GPRC5D: variants seen among roughly 807,000 people sequenced by gnomAD.
The protein encoded by GPRC5D is G protein-coupled receptor class C group 5 member D, also known as G protein-coupled receptor family C group 5 member D.
A neutral mutation model predicts 29.3 loss-of-function variants in GPRC5D; 20 were observed. The ratio of observed to expected loss-of-function variants is 0.68; its 90% CI spans 0.48 to 0.99. The LOEUF is 0.99. Among genes scored for constraint, GPRC5D ranks in the 50% least tolerant of loss-of-function variants. The pLI is 0.00. For synonymous variants in GPRC5D, 178 were observed against 171.3 expected, an observed-to-expected ratio of 1.04 and a Z score of -0.30; for missense variants, 384 against 423.6, an observed-to-expected ratio of 0.91 and a Z score of 0.82.
exon 1 of GPRC5D, chr12:12,950,125 T>A (rs1345528650): frequency 6.2e-7 from 1 of 1,613,934 alleles, no homozygotes. Flanking sequence ...GGGGGCAGTT[T>A]GTTGATTGAG....
intron 1 of GPRC5D, among the ~76,000 whole-genome samples, chr12:12,946,628 T>A (rs768530703): frequency 6.6e-6 from 1 of 151,900 alleles, no homozygotes; most frequent in Non-Finnish European, 1.5e-5. Context: ...CTAATTTTTG[T>A]ATTTTTAATA....
chr12:12,940,776 T>G, exon 3 of GPRC5D: 1 of 1,586,998 alleles, frequency 6.3e-7, no homozygotes, highest in Non-Finnish European at 8.7e-7. Context: ...CCTGTAGATT[T>G]ATACTCCTCC....
At chr12:12,950,824 G>T (rs1327263901), upstream of GPRC5D, among the ~76,000 whole-genome samples, 1 of 148,104 alleles carries the variant, frequency 6.8e-6, no homozygotes, top group Non-Finnish European at 1.5e-5. Context: ...AAAAAACAAG[G>T]CAGGGTACAG....
rs145033785 is a variant in GPRC5D, at chr12:12,949,720, G to A, written c.665C>T (p.Ser222Phe). 30 of 1,614,038 alleles carry A rather than the reference G, an allele frequency of 1.9e-5. No individual in the cohort carries two copies. In the African/African-American group the frequency reaches 3.7e-4, roughly 20 times the overall value. The change falls in exon 1 of 3, where the codon TCC (serine) becomes TTC (phenylalanine). Residue 222 changes from serine (S) to phenylalanine (F), a missense_variant. By Grantham distance (155) the Ser-to-Phe change is radical. Transcript: ENST00000228887. ...CTGCGGGTTGCCTCTCAGGAGCATGGAGATCCACACCACCCAGATGATGAT... is the reference window on the plus strand; with the variant it reads ...CTGCGGGTTGCCTCTCAGGAGCATGAAGATCCACACCACCCAGATGATGAT...
At chr12:12,946,414 TTCTC>T (rs758963313) in intron 1 of GPRC5D, among the ~76,000 whole-genome samples, 19 of 42,728 alleles carry the variant, frequency 4.4e-4, no homozygotes, top group East Asian at 2.2e-3. Context: ...TTCTCTCTCT[TTCTC>T]TCTCTCTCTT....
At chr12:12,945,165 A>G (rs1382748469) in intron 1 of GPRC5D, among the ~76,000 whole-genome samples, 1 of 151,506 alleles carries the variant, frequency 6.6e-6, no homozygotes, top group Non-Finnish European at 1.5e-5. Flanking sequence ...CACCACGCCC[A>G]GCAAATTTTT....
chr12:12,946,292 CTT>C (rs1565478296), intron 1 of GPRC5D, among the ~76,000 whole-genome samples: 1 of 42,902 alleles, frequency 2.3e-5, no homozygotes, highest in Non-Finnish European at 5.1e-5. Flanking sequence ...TCCTTCCTTT[CTT>C]CCTTCCTTCC....
chr12:12,941,787 A>G (rs1206071077), intron 2 of GPRC5D, among the ~76,000 whole-genome samples: 1 of 152,214 alleles, frequency 6.6e-6, no homozygotes, highest in Non-Finnish European at 1.5e-5. Flanking sequence ...TGATGATGAC[A>G]TACCCTGCCC....
intron 1 of GPRC5D, among the ~76,000 whole-genome samples, 195 bp from the exon 3 acceptor site, chr12:12,942,523 T>A (rs907227434): frequency 1.3e-5 from 2 of 152,164 alleles, no homozygotes; most frequent in African/African-American, 4.8e-5. Flanking sequence ...TCACTTGAGG[T>A]CAGGAGTTCG....
upstream of GPRC5D, chr12:12,950,409 C>G (rs1863465410): frequency 1.3e-6 from 2 of 1,517,122 alleles, no homozygotes; most frequent in African/African-American, 2.8e-5. Context: ...GTGGACCTCA[C>G]CAGAATGGTT....
intron 1 of GPRC5D, among the ~76,000 whole-genome samples, chr12:12,944,886 T>A (rs1166681461): frequency 7.7e-6 from 1 of 130,354 alleles, no homozygotes; most frequent in Non-Finnish European, 1.6e-5. Flanking sequence ...TCTTTCTTTC[T>A]TTCTTTCTTT....
At chr12:12,940,908 C>T (rs988403636) in intron 2 of GPRC5D, 59 bp from the exon 4 acceptor site, 1 of 1,156,948 alleles carries the variant, frequency 8.6e-7, no homozygotes, top group Non-Finnish European at 1.3e-6. Context: ...TGATATTCTC[C>T]AAAGTTATGT....
At chr12:12,942,577 A>T (rs1195526123) in intron 1 of GPRC5D, among the ~76,000 whole-genome samples, 1 of 152,244 alleles carries the variant, frequency 6.6e-6, no homozygotes. Flanking sequence ...TTCACTAAAA[A>T]TACAAAAATT....
intron 1 of GPRC5D, among the ~76,000 whole-genome samples, chr12:12,943,895 T>C (rs1242267489): frequency 6.6e-6 from 1 of 152,172 alleles, no homozygotes; most frequent in Non-Finnish European, 1.5e-5. Context: ...CCTGCACCAC[T>C]GTGTGATAGG....
intron 1 of GPRC5D, among the ~76,000 whole-genome samples, chr12:12,943,684 T>G (rs575528710): frequency 6.6e-6 from 1 of 150,662 alleles, no homozygotes; most frequent in Non-Finnish European, 1.5e-5. Context: ...TTGTCTTTCC[T>G]TCATGGCAGA....
At chr12:12,941,062 C>T (rs1291394527) in intron 2 of GPRC5D, among the ~76,000 whole-genome samples, 3 of 152,076 alleles carry the variant, frequency 2.0e-5, no homozygotes, top group Admixed American at 6.5e-5. Flanking sequence ...CAGGCATGCA[C>T]CACCATGCCC....
At chr12:12,943,351 C>T (rs1863200722) in intron 1 of GPRC5D, among the ~76,000 whole-genome samples, 1 of 152,130 alleles carries the variant, frequency 6.6e-6, no homozygotes, top group South Asian at 2.1e-4. Flanking sequence ...AGTGGATGGA[C>T]CCTGGAAAAG....
Position 12,949,809 on chromosome 12 carries a change from GAAGGTGGC to G in GPRC5D, c.568_575del (p.Ala190LeufsTer5), listed in dbSNP as rs757125315. ...GCTTCCAGTTCTCACACGGGCCACA[GAAGGTGGC>G]TTTGGAGACGAAGAATGTGAGGGCC... On this transcript the variant is annotated frameshift_variant, in exon 1 of 3. Coordinates refer to ENST00000228887, the Ensembl canonical transcript of GPRC5D. LOFTEE classifies it high-confidence loss of function. 3.1e-6 allele frequency: 5 copies of G among 1,613,910 alleles called. No individual in the cohort carries two copies.
intron 1 of GPRC5D, among the ~76,000 whole-genome samples, chr12:12,949,118 G>T (rs1404085856): frequency 6.6e-6 from 1 of 152,162 alleles, no homozygotes; most frequent in African/African-American, 2.4e-5. Flanking sequence ...AATACATCTG[G>T]ACTTAACATT....
Sources: allele counts gnomAD v4.1 joint callset (sites outside exome capture counted in the v4.1 genomes callset), GRCh38; gene constraint gnomAD v4.1.1; transcripts MANE v1.5; gene names NCBI Gene and HGNC (gene_info 2026-07-23, HGNC 2026-07-21).